The following FAT4 variants were observed in gnomAD, a reference collection of about 807,000 sequenced individuals.
FAT4 encodes the protein protocadherin Fat 4.
Under a neutral mutation model 303.9 loss-of-function variants are expected in FAT4, and 84 were observed. The ratio of observed to expected loss-of-function variants is 0.28; its 90% confidence interval spans 0.23 to 0.33. The LOEUF is 0.33. Ranked by LOEUF, FAT4 falls within the 10% of genes least tolerant of loss-of-function variation. FAT4 has a pLI of 1.00. For missense variants in FAT4, 6,005 were observed against 6,146.8 expected (o/e 0.98, Z 0.77); for synonymous variants, 2,307 against 2,298.8 (o/e 1.00, Z -0.10).
intron 2 of FAT4, among the ~76,000 whole-genome samples, chr4:125,380,927 T>TTGC (rs1440732995): frequency 6.6e-6 from 1 of 152,188 alleles, no homozygotes; most frequent in Non-Finnish European, 1.5e-5. Context: ...TATCAAACAT[T>TTGC]TGCTTTTTTA....
At chr4:125,429,856 C>T (rs1242418340) in intron 7 of FAT4, among the ~76,000 whole-genome samples, 2 of 152,110 alleles carry the variant, frequency 1.3e-5, no homozygotes, top group African/African-American at 4.8e-5. Flanking sequence ...AGCCCAGAGG[C>T]AGCAGAAAGC....
chr4:125,417,620 A>G (rs1365731721), intron 7 of FAT4, among the ~76,000 whole-genome samples: 3 of 152,198 alleles, frequency 2.0e-5, no homozygotes, highest in African/African-American at 4.8e-5. Context: ...TCAGATTATC[A>G]GTAACATTAT....
chr4:125,415,739 T>G lies in FAT4; in HGVS notation c.6776T>G (p.Phe2259Cys). ...LLDINDFVPVFELSPYSVNVP... is the reference protein window; with the variant it reads ...LLDINDFVPVCELSPYSVNVP... ...GATATTAATGACTTTGTTCCTGTATTTGAGCTATCTCCATATTCTGTAAAT... is the reference window on the plus strand; with the variant it reads ...GATATTAATGACTTTGTTCCTGTATGTGAGCTATCTCCATATTCTGTAAAT... Residue 2259 changes from phenylalanine to cysteine, a missense_variant, in exon 6 of 18, where the codon TTT becomes TGT. By Grantham distance (205) the Phe-to-Cys change is radical. Coordinates refer to ENST00000394329, the MANE Select transcript of FAT4 (RefSeq NM_001291303.3). 2 of 1,613,988 alleles carry G rather than the reference T, an allele frequency of 1.2e-6. No homozygotes were observed. The highest frequency in any genetic ancestry group is 1.7e-6 in the Non-Finnish European group (2 of 1,179,926).
intron 8 of FAT4, among the ~76,000 whole-genome samples, chr4:125,438,900 A>G (rs1725550479): frequency 6.6e-6 from 1 of 152,152 alleles, no homozygotes; most frequent in African/African-American, 2.4e-5. Context: ...TCGGTTATTT[A>G]CTGAACTACT....
intron 2 of FAT4, among the ~76,000 whole-genome samples, chr4:125,348,877 A>G (rs1008311983): frequency 2.6e-5 from 4 of 151,774 alleles, no homozygotes; most frequent in African/African-American, 9.7e-5. Context: ...TATGATGCTA[A>G]GGTTGGAGAA....
At chr4:125,471,431 A>G (rs2126078748) in intron 12 of FAT4, among the ~76,000 whole-genome samples, 1 of 152,332 alleles carries the variant, frequency 6.6e-6, no homozygotes, top group Non-Finnish European at 1.5e-5. Context: ...AAAATGAGGC[A>G]TGCATGTATT....
At chr4:125,363,599 G>A (rs1311694795) in intron 2 of FAT4, among the ~76,000 whole-genome samples, 6 of 151,648 alleles carry the variant, frequency 4.0e-5, no homozygotes, top group East Asian at 1.9e-4. Context: ...GGGTTCAAGC[G>A]ATTCCCCTGC....
At chr4:125,413,531 A>G (rs1308485935) in intron 5 of FAT4, among the ~76,000 whole-genome samples, 1 of 151,850 alleles carries the variant, frequency 6.6e-6, no homozygotes, top group African/African-American at 2.4e-5. Context: ...TCTGAAAGTT[A>G]TATTCATAAA....
chr4:125,400,613 A>T (rs1045208510), intron 3 of FAT4, among the ~76,000 whole-genome samples: 1 of 151,966 alleles, frequency 6.6e-6, no homozygotes, highest in African/African-American at 2.4e-5. Context: ...TTATGATGAG[A>T]CTAGAGGAAG....
rs760097872 is a variant in FAT4, at chr4:125,318,119, G to A, written c.1708G>A (p.Val570Ile). Reference protein sequence around the residue: ...HPKVSYAQLVVTLLDVNDEKP... With the variant: ...HPKVSYAQLVITLLDVNDEKP... ...CAAGGTGTCCTATGCCCAGCTTGTA[G>A]TAACTCTCCTAGATGTGAATGATGA... Residue 570 changes from valine to isoleucine, a missense_variant, in exon 2 of 18, where the codon GTA becomes ATA. Val to Ile is a conservative substitution (Grantham distance 29). Transcript: ENST00000394329. 3.1e-6 allele frequency: 5 copies of A among 1,614,146 alleles called. No homozygotes were observed. The South Asian group carries it at 5.5e-5, about 18-fold the overall frequency.
intron 4 of FAT4, 101 bp from the exon 5 acceptor site, chr4:125,408,343 A>T (rs1422324039): frequency 1.5e-6 from 1 of 686,462 alleles, no homozygotes; most frequent in African/African-American, 1.9e-5. Context: ...CAGTTAAGAT[A>T]TTTTACTGTA....
At chr4:125,322,879 A>G (rs909512687) in intron 2 of FAT4, among the ~76,000 whole-genome samples, 1 of 152,052 alleles carries the variant, frequency 6.6e-6, no homozygotes, top group Non-Finnish European at 1.5e-5. Context: ...CTTTACCTAC[A>G]TAGCACTGAA....
chr4:125,398,083 A>G (rs1164818707), intron 2 of FAT4, among the ~76,000 whole-genome samples: 1 of 152,216 alleles, frequency 6.6e-6, no homozygotes, highest in East Asian at 1.9e-4. Flanking sequence ...TATACTTCAC[A>G]AATCCTTTCT....
chr4:125,339,486 G>A (rs28412730), intron 2 of FAT4, among the ~76,000 whole-genome samples: 77,598 of 151,818 alleles, frequency 0.51, 20,557 homozygotes, highest in Non-Finnish European at 0.59. Context: ...GTGAACCACC[G>A]CACCCAGCCT....
chr4:125,451,065 A>G lies in FAT4; in HGVS notation c.10055A>G (p.Lys3352Arg). ...NSRKKGFQINKKTGQIYVSGI... is the reference protein window; with the variant it reads ...NSRKKGFQINRKTGQIYVSGI... ...CGAAAGAAGGGTTTCCAGATCAATA[A>G]GAAGACTGGACAGATTTATGTTTCT... Residue 3352 changes from lysine (K) to arginine (R), a missense_variant, in exon 10 of 18, where the codon AAG becomes AGG. Lys to Arg is a conservative substitution (Grantham distance 26). Transcript: ENST00000394329. 6.2e-7 allele frequency: 1 copy of G among 1,614,138 alleles called. No individual in the cohort carries two copies. Among genetic ancestry groups the G allele is most frequent in the Non-Finnish European group, 8.5e-7 (1 of 1,180,018 alleles).
chr4:125,317,326 C>G lies in FAT4; in HGVS notation c.915C>G (p.Ile305Met). 1 of 1,609,322 alleles carries G rather than the reference C, an allele frequency of 6.2e-7. No individual in the cohort carries two copies. Among genetic ancestry groups the G allele is most frequent in the Non-Finnish European group, 8.5e-7 (1 of 1,176,980 alleles). The change falls in exon 2 of 18, where the codon ATC (isoleucine) becomes ATG (methionine). Residue 305 changes from isoleucine to methionine, a missense_variant. Ile to Met is a conservative substitution (Grantham distance 10, BLOSUM62 1). Coordinates refer to ENST00000394329, the MANE Select transcript of FAT4 (RefSeq NM_001291303.3). The surrounding 1 kb of genome is among the most constrained non-coding windows in gnomAD (Gnocchi z 7.0). The part of the protein sequence containing the change: ...PFQMDPETGL[I>M]TVREPLDFEA... ...AAATGGACCCTGAGACGGGACTTAT[C>G]ACGGTGCGGGAGCCCCTGGACTTCG...
chr4:125,417,156 A>G (rs1735108839), intron 7 of FAT4, among the ~76,000 whole-genome samples: 1 of 152,118 alleles, frequency 6.6e-6, no homozygotes, highest in Non-Finnish European at 1.5e-5. Context: ...CCCTATTCCC[A>G]TAAAACAGAA....
At chr4:125,426,707 T>C in intron 7 of FAT4, among the ~76,000 whole-genome samples, 1 of 152,068 alleles carries the variant, frequency 6.6e-6, no homozygotes, top group East Asian at 1.9e-4. Context: ...AAAGTTGCCA[T>C]CAGGTTCCAT....
chr4:125,451,884 A>G lies in FAT4; in HGVS notation c.10874A>G (p.Tyr3625Cys), dbSNP rs1185211269. 6.2e-7 allele frequency: 1 copy of G among 1,614,080 alleles called. No homozygotes were observed. Among genetic ancestry groups the G allele is most frequent in the Non-Finnish European group, 8.5e-7 (1 of 1,180,000 alleles). The change falls in exon 10 of 18, where the codon TAT becomes TGT. Residue 3625 changes from tyrosine to cysteine, a missense_variant. Transcript: ENST00000394329. The part of the protein sequence containing the change: ...QSRTVEIFVN[Y>C]YGNLFPGGIL... ...CGGACGGTGGAGATATTTGTTAATTATTATGGTAACTTGTTTCCCGGTGGG... is the reference window on the plus strand; with the variant it reads ...CGGACGGTGGAGATATTTGTTAATTGTTATGGTAACTTGTTTCCCGGTGGG...
Sources: gnomAD v4.1 joint callset for allele counts (sites outside exome capture counted in the v4.1 genomes callset) on GRCh38, gnomAD v4.1.1 for gene constraint, Gnocchi (gnomAD v3.1) non-coding constraint, MANE v1.5 for transcripts, NCBI Gene and HGNC (gene_info 2026-07-23, HGNC 2026-07-21) for gene names.